Variants in SMPX observed in about 807,000 individuals in gnomAD.
SMPX encodes the protein small muscle protein X-linked, also known as small muscular protein.
SMPX carries 2 observed loss-of-function variants against 6.3 expected under a neutral mutation model. The ratio of observed to expected loss-of-function variants is 0.32; its 90% CI spans 0.13 to 0.99. The LOEUF is 0.99. Among genes scored for constraint, SMPX ranks in the 50% least tolerant of loss-of-function variants. The pLI is 0.49. For missense variants in SMPX, 60 were observed against 66.8 expected (o/e 0.90, Z 0.36); for synonymous variants, 32 against 24.7 (o/e 1.30, Z -0.88).
At chrX:21,749,885 C>T (rs756252823) in intron 2 of SMPX, among the ~76,000 whole-genome samples, 4 of 112,238 alleles carry the variant, frequency 3.6e-5, no homozygotes, top group South Asian at 7.5e-4. Flanking sequence ...GGTGAATTTA[C>T]GTCGTAGAGC....
At chrX:21,719,874 A>G (rs764421105) in intron 4 of SMPX, among the ~76,000 whole-genome samples, 119 of 112,430 alleles carry the variant, frequency 1.1e-3, no homozygotes, top group Non-Finnish European at 2.0e-3. Flanking sequence ...AATCTCCCCA[A>G]AGATAAACAA....
chrX:21,708,710 T>C (rs1275716162), intron 4 of SMPX, among the ~76,000 whole-genome samples: 3 of 112,491 alleles, frequency 2.7e-5, no homozygotes, highest in Non-Finnish European at 1.9e-5. Context: ...GCATAGGTTC[T>C]TGTATTTCCC....
intron 4 of SMPX, among the ~76,000 whole-genome samples, chrX:21,711,782 T>C (rs1218899821): frequency 9.0e-6 from 1 of 111,729 alleles, no homozygotes; most frequent in Non-Finnish European, 1.9e-5. Flanking sequence ...TGGTGCTAAA[T>C]CATAGAGCCA....
At chrX:21,717,845 TAATG>T (rs892032980) in intron 4 of SMPX, among the ~76,000 whole-genome samples, 5 of 112,351 alleles carry the variant, frequency 4.5e-5, no homozygotes, top group African/African-American at 1.6e-4. Context: ...GTTAGCCAGA[TAATG>T]AATACGGGAG....
chrX:21,715,298 GTGTGTGCGCGCACGCGCGCGCGCT>G (rs2092783280), intron 4 of SMPX, among the ~76,000 whole-genome samples: 1 of 99,619 alleles, frequency 1.0e-5, no homozygotes, highest in African/African-American at 4.8e-5. Flanking sequence ...GTGTGTGTGT[GTGTGTGCGCGCACGCGCGCGCGCT>G]CGCGCGCTGG....
chrX:21,747,745 G>C (rs2092823024), intron 2 of SMPX, among the ~76,000 whole-genome samples: 1 of 111,175 alleles, frequency 9.0e-6, no homozygotes, highest in African/African-American at 3.3e-5. Context: ...TCCGCACTCT[G>C]TCTCTCCTTT....
intron 2 of SMPX, among the ~76,000 whole-genome samples, chrX:21,749,448 T>C (rs1262224360): frequency 8.9e-6 from 1 of 111,882 alleles, no homozygotes; most frequent in African/African-American, 3.3e-5. Context: ...CATAAAACGG[T>C]AATTGCCTCT....
rs967474059 is a variant in SMPX, at chrX:21,719,832, A to C, written c.*15-13438T>G. On this transcript the variant is annotated intron_variant, in intron 4 of 4. Transcript: ENST00000379494. ...GCTTTCTCTGTTAGAAGCATCAGAG[A>C]AACTGGCTTCACATTTGGAAATAAT... Among the ~76,000 whole-genome samples the C allele has an allele frequency of 2.7e-5, 3 of 112,321 alleles. No individual in the cohort carries two copies. In the Admixed American group the frequency reaches 2.8e-4, roughly 11 times the overall value.
At chrX:21,723,373 C>T (rs892905572) in intron 4 of SMPX, among the ~76,000 whole-genome samples, 1 of 111,428 alleles carries the variant, frequency 9.0e-6, no homozygotes, top group African/African-American at 3.3e-5. Flanking sequence ...CTTGGTGCTG[C>T]CCTGTCCCCA....
intron 4 of SMPX, among the ~76,000 whole-genome samples, chrX:21,731,363 A>G (rs970412791): frequency 9.7e-6 from 1 of 103,389 alleles, no homozygotes; most frequent in African/African-American, 3.5e-5. Flanking sequence ...GTTGTTGGGC[A>G]GTGTTTTATA....
At chrX:21,716,598 G>A (rs1464906212) in intron 4 of SMPX, among the ~76,000 whole-genome samples, 1 of 112,079 alleles carries the variant, frequency 8.9e-6, no homozygotes, top group Non-Finnish European at 1.9e-5. Context: ...TATTATTCAG[G>A]GACAAAGATC....
At chrX:21,742,434 T>A (rs1312663329) in intron 3 of SMPX, among the ~76,000 whole-genome samples, 1 of 112,132 alleles carries the variant, frequency 8.9e-6, no homozygotes, top group Non-Finnish European at 1.9e-5. Context: ...ATGGAGGTGA[T>A]CCTATTTTGC....
At chrX:21,729,712 G>A (rs1399266155) in intron 4 of SMPX, among the ~76,000 whole-genome samples, 2 of 111,421 alleles carry the variant, frequency 1.8e-5, no homozygotes, top group Non-Finnish European at 3.8e-5. Context: ...TGCTTCTCTG[G>A]TCTCAAGTCT....
intron 4 of SMPX, among the ~76,000 whole-genome samples, chrX:21,715,526 G>A (rs182789532): frequency 3.6e-4 from 40 of 111,065 alleles, no homozygotes; most frequent in African/African-American, 1.1e-3. Flanking sequence ...CCACAGCCTA[G>A]GAGGGCTTCT....
intron 3 of SMPX, among the ~76,000 whole-genome samples, 194 bp from the exon 4 acceptor site, chrX:21,737,891 G>A (rs1221269473): frequency 1.8e-5 from 2 of 112,339 alleles, no homozygotes; most frequent in East Asian, 2.8e-4. Context: ...TGTGAAGTGT[G>A]GAATAAAGTT....
At chrX:21,743,929 T>A (rs974477127) in intron 2 of SMPX, 93 bp from the exon 3 acceptor site, 2 of 657,020 alleles carry the variant, frequency 3.0e-6, no homozygotes, top group Non-Finnish European at 5.0e-6. Context: ...AAAATGCGTC[T>A]GAAAAGTACA....
At chrX:21,726,015 G>A in intron 4 of SMPX, among the ~76,000 whole-genome samples, 1 of 111,739 alleles carries the variant, frequency 8.9e-6, no homozygotes, top group Middle Eastern at 4.6e-3. Flanking sequence ...AAGCTGCTGT[G>A]TACCAGGAGC....
chrX:21,733,344 C>T (rs1354786737), intron 4 of SMPX, among the ~76,000 whole-genome samples: 1 of 112,434 alleles, frequency 8.9e-6, no homozygotes, highest in Non-Finnish European at 1.9e-5. Flanking sequence ...AACACAAGTG[C>T]TTTCTTCAGT....
intron 4 of SMPX, among the ~76,000 whole-genome samples, chrX:21,718,807 G>C (rs187470582): frequency 6.3e-5 from 7 of 111,901 alleles, no homozygotes; most frequent in African/African-American, 3.3e-5. Context: ...TAGGTCAGGC[G>C]GGGAGAAAGT....
Sources: gnomAD v4.1 joint callset for allele counts (sites outside exome capture counted in the v4.1 genomes callset) on GRCh38, gnomAD v4.1.1 for gene constraint, MANE v1.5 for transcripts, NCBI Gene and HGNC (gene_info 2026-07-23, HGNC 2026-07-21) for gene names.